The following PODXL2 variants were observed in gnomAD, a reference collection of about 807,000 sequenced individuals.
The protein encoded by PODXL2 is podocalyxin like 2, also known as podocalyxin-like protein 2.
PODXL2 carries 17 observed loss-of-function variants against 53.4 expected under a neutral mutation model. The ratio of observed to expected loss-of-function variants is 0.32; its 90% CI spans 0.22 to 0.48. The LOEUF is 0.48. Among genes scored for constraint, PODXL2 ranks in the 20% least tolerant of loss-of-function variants. The pLI, the probability that PODXL2 is intolerant of heterozygous loss-of-function variation, is 0.99. For missense variants in PODXL2, 673 were observed against 760.0 expected (o/e 0.89, Z 1.35); for synonymous variants, 311 against 306.7 (o/e 1.01, Z -0.15).
chr3:127,643,199 A>G (rs2074632414), intron 2 of PODXL2, among the ~76,000 whole-genome samples: 1 of 152,170 alleles, frequency 6.6e-6, no homozygotes, highest in African/African-American at 2.4e-5. Context: ...TAAATATTTT[A>G]TAAGCTTAAA....
Position 127,661,173 on chromosome 3 carries a change from C to T in PODXL2, c.1131+14C>T, listed in dbSNP as rs1401725342. 1 of 1,593,314 alleles carries T rather than the reference C, an allele frequency of 6.3e-7. No homozygotes were observed. The highest frequency in any genetic ancestry group is 1.1e-5 in the South Asian group (1 of 90,140). ...GATTCTACGCAGGTAAAGTGAGGGG[C>T]ATGCGGGCCACCACCCTGTACCTTC... On this transcript the variant is annotated intron_variant, in intron 3 of 7. Coordinates refer to ENST00000342480, the MANE Select transcript of PODXL2 (RefSeq NM_015720.4).
intron 2 of PODXL2, among the ~76,000 whole-genome samples, chr3:127,652,030 C>T (rs73861559): frequency 7.5e-4 from 114 of 152,280 alleles, no homozygotes; most frequent in African/African-American, 2.7e-3. Context: ...GGTCATGATT[C>T]TGCTTGTCAG....
At position 127,672,428 on chromosome 3, in the gene PODXL2, G is replaced by T; in HGVS notation, c.1766G>T (p.Gly589Val). Residue 589 changes from glycine to valine, a missense_variant, in exon 8 of 8, where the codon GGC becomes GTC. This residue lies in a region of PODXL2 where 79 missense variants were observed against 70.5 expected (regional missense o/e 1.12). Transcript: ENST00000342480. Reference protein sequence around the residue: ...GPGSWGALMGGKRDPEDSDVF... With the variant: ...GPGSWGALMGVKRDPEDSDVF... ...GGGAGCTGGGGGGCGCTCATGGGGG[G>T]CAAGCGGGACCCCGAGGACTCGGAC... 3.2e-6 allele frequency: 5 copies of T among 1,540,630 alleles called. No individual in the cohort carries two copies. Among genetic ancestry groups the T allele is most frequent in the Non-Finnish European group, 2.6e-6 (3 of 1,145,080 alleles).
At chr3:127,667,629 C>T (rs2074801058) in intron 4 of PODXL2, among the ~76,000 whole-genome samples, 1 of 152,224 alleles carries the variant, frequency 6.6e-6, no homozygotes, top group South Asian at 2.1e-4. Flanking sequence ...TCTTGCCATT[C>T]GTTGAGTTTC....
intron 4 of PODXL2, among the ~76,000 whole-genome samples, chr3:127,666,179 T>C (rs2074794102): frequency 6.6e-6 from 1 of 152,240 alleles, no homozygotes; most frequent in South Asian, 2.1e-4. Flanking sequence ...GTAGTCCATC[T>C]GGAATTAGTT....
rs2074860148 is a variant in PODXL2 at position 127,672,597 on chromosome 3, C to T, written c.*117C>T. On this transcript the variant is annotated 3_prime_UTR_variant, in exon 8 of 8. Transcript: ENST00000342480. ...TACCCGGGCCGCCCCCGCGGCCTGGCCCTCGGCGCGGGCTCCTTCCCGCTT... is the reference window on the plus strand; with the variant it reads ...TACCCGGGCCGCCCCCGCGGCCTGGTCCTCGGCGCGGGCTCCTTCCCGCTT... 9.5e-6 allele frequency: 6 copies of T among 628,352 alleles called. No homozygotes were observed. Among genetic ancestry groups the T allele is most frequent in the Non-Finnish European group, 1.5e-5 (6 of 401,694 alleles). The allele number at this position is 628,352 out of a possible 1,614,324, so 38.9% of individuals were successfully genotyped here.
chr3:127,642,105 C>G (rs911531339), intron 2 of PODXL2, among the ~76,000 whole-genome samples: 15 of 151,744 alleles, frequency 9.9e-5, no homozygotes, highest in Non-Finnish European at 1.9e-4. Context: ...GCCTGGCCAA[C>G]ATGGTGTAAC....
intron 2 of PODXL2, among the ~76,000 whole-genome samples, chr3:127,640,053 T>C (rs1248438254): frequency 1.3e-5 from 2 of 152,208 alleles, no homozygotes; most frequent in African/African-American, 2.4e-5. Context: ...CCCTCAGTCA[T>C]GCACCAGAGC....
At chr3:127,646,129 G>A (rs901977879) in intron 2 of PODXL2, among the ~76,000 whole-genome samples, 3 of 152,160 alleles carry the variant, frequency 2.0e-5, no homozygotes, top group Admixed American at 1.3e-4. Context: ...CTATGTTAGG[G>A]GTTGTGGGTT....
intron 2 of PODXL2, among the ~76,000 whole-genome samples, chr3:127,658,747 A>C (rs1455090048): frequency 2.0e-5 from 3 of 152,308 alleles, no homozygotes; most frequent in Admixed American, 6.5e-5. Flanking sequence ...TCACATGAGA[A>C]TGAGGCTAGG....
intron 4 of PODXL2, among the ~76,000 whole-genome samples, chr3:127,662,647 G>A (rs2074774876): frequency 6.6e-6 from 1 of 152,016 alleles, no homozygotes; most frequent in Non-Finnish European, 1.5e-5. Context: ...TCTCCGTTTT[G>A]GGTCTCAGCC....
chr3:127,630,484 T>A (rs1326739319), intron 1 of PODXL2, among the ~76,000 whole-genome samples: 2 of 152,160 alleles, frequency 1.3e-5, no homozygotes, highest in African/African-American at 2.4e-5. Context: ...AGCTGGCCCA[T>A]GAAGACACAG....
At chr3:127,644,061 C>T (rs1322113383) in intron 2 of PODXL2, among the ~76,000 whole-genome samples, 4 of 152,100 alleles carry the variant, frequency 2.6e-5, no homozygotes, top group Admixed American at 1.3e-4. Context: ...ATTGTCATGG[C>T]GGCATCCATT....
chr3:127,645,558 C>A (rs1055918079), intron 2 of PODXL2, among the ~76,000 whole-genome samples: 3 of 152,228 alleles, frequency 2.0e-5, no homozygotes, highest in African/African-American at 7.2e-5. Flanking sequence ...GTCCAGCATA[C>A]ACCCTGCCAA....
chr3:127,631,845 A>C (rs989767161), intron 1 of PODXL2, among the ~76,000 whole-genome samples: 1 of 152,242 alleles, frequency 6.6e-6, no homozygotes, highest in Admixed American at 6.5e-5. Flanking sequence ...GGGAAAAATA[A>C]CTTTAAGAAA....
At chr3:127,643,581 A>G (rs1471249932) in intron 2 of PODXL2, among the ~76,000 whole-genome samples, 1 of 151,824 alleles carries the variant, frequency 6.6e-6, no homozygotes, top group African/African-American at 2.4e-5. Flanking sequence ...TCTGCCCTTG[A>G]GATACATGCA....
chr3:127,672,215 C>A, intron 7 of PODXL2, 53 bp from the exon 8 acceptor site: 1 of 1,468,072 alleles, frequency 6.8e-7, no homozygotes. Flanking sequence ...GCGGGCCTGG[C>A]GCTGTCCGGG....
At chr3:127,667,369 C>G (rs2074799806) in intron 4 of PODXL2, among the ~76,000 whole-genome samples, 1 of 152,230 alleles carries the variant, frequency 6.6e-6, no homozygotes. Context: ...CGCTGGCTCT[C>G]AGCTGCATAG....
At chr3:127,646,966 A>G (rs1468465402) in intron 2 of PODXL2, among the ~76,000 whole-genome samples, 2 of 151,978 alleles carry the variant, frequency 1.3e-5, no homozygotes, top group Non-Finnish European at 2.9e-5. Flanking sequence ...CATACATCCC[A>G]TTTCTAGTGT....
Sources: allele counts gnomAD v4.1 joint callset (sites outside exome capture counted in the v4.1 genomes callset), GRCh38; gene constraint gnomAD v4.1.1; regional missense constraint gnomAD v4.1.1; transcripts MANE v1.5; gene names NCBI Gene and HGNC (gene_info 2026-07-23, HGNC 2026-07-21).